The following PTPN14 variants were observed in gnomAD, a reference collection of about 807,000 sequenced individuals.
PTPN14 encodes protein tyrosine phosphatase non-receptor type 14.
In PTPN14, 53 loss-of-function variants were observed where a neutral mutation model predicts 126.8. That is an observed-to-expected ratio of 0.42 (90% confidence interval 0.34 to 0.53). The LOEUF (loss-of-function observed/expected upper bound fraction) is 0.53, where lower values mean the gene tolerates loss of function less well. Ranked by LOEUF, PTPN14 falls within the 20% of genes least tolerant of loss-of-function variation. The pLI, the probability that PTPN14 is intolerant of heterozygous loss-of-function variation, is 0.08. For synonymous variants in PTPN14, 630 were observed against 599.3 expected, an observed-to-expected ratio of 1.05 and a Z score of -0.75; for missense variants, 1,257 against 1,552.9, an observed-to-expected ratio of 0.81 and a Z score of 3.20.
chr1:214,417,055 T>C (rs1174672009), intron 3 of PTPN14, among the ~76,000 whole-genome samples: 1 of 151,602 alleles, frequency 6.6e-6, no homozygotes, highest in African/African-American at 2.4e-5. Context: ...GCCAGGAAAG[T>C]AAGCATTTGC....
chr1:214,393,036 C>T (rs1480887485), intron 10 of PTPN14, among the ~76,000 whole-genome samples: 2 of 152,170 alleles, frequency 1.3e-5, no homozygotes, highest in African/African-American at 4.8e-5. Context: ...TGAAGGTAAC[C>T]AAGAAAAAGA....
chr1:214,390,834 C>T lies in PTPN14; in HGVS notation c.987+154G>A, dbSNP rs12748350. Among the ~76,000 whole-genome samples the T allele has an allele frequency of 0.11, 17,338 of 152,132 alleles. 1,070 individuals carry two copies. The highest frequency in any genetic ancestry group is 0.18 in the Middle Eastern group (54 of 294). On this transcript the variant is annotated intron_variant, in intron 11 of 18. Transcript: ENST00000366956. ...ATGGATGGGTCCAAGGGGGACAAAA[C>T]GGGTGTCCATCGCATCTGCTTGACA...
chr1:214,443,330 T>C (rs556057584), intron 3 of PTPN14, among the ~76,000 whole-genome samples: 37 of 152,214 alleles, frequency 2.4e-4, no homozygotes, highest in African/African-American at 8.4e-4. Context: ...AGAAATCAAA[T>C]TGACTTTACA....
chr1:214,465,951 C>CTT lies in PTPN14; in HGVS notation c.-154-996_-154-995dup, dbSNP rs71165974. Among the ~76,000 whole-genome samples the CTT allele has an allele frequency of 2.0e-3, 120 of 59,012 alleles. 29 individuals carry two copies. The highest frequency in any genetic ancestry group is 0.048 in the Middle Eastern group (2 of 42). 38.7% of individuals were successfully genotyped at this position (59,012 alleles called of 152,430 possible). Reference sequence around the variant, plus strand: ...TGCATTTAATATAATCAGTTACTTCCTTTTTTTTTTTTTTTTTTTTGTGAA... The same window carrying CTT: ...TGCATTTAATATAATCAGTTACTTCCTTTTTTTTTTTTTTTTTTTTTTGTGAA... On this transcript the variant is annotated intron_variant, in intron 1 of 18. Coordinates refer to ENST00000366956, the MANE Select transcript of PTPN14 (RefSeq NM_005401.5).
At chr1:214,517,487 TAAA>T (rs59698035) in intron 1 of PTPN14, among the ~76,000 whole-genome samples, 2 of 138,388 alleles carry the variant, frequency 1.4e-5, no homozygotes, top group Non-Finnish European at 1.6e-5. Flanking sequence ...AGCATAATAT[TAAA>T]AAAAAAAAAA....
chr1:214,477,249 AGTT>A (rs1660887106), intron 1 of PTPN14, among the ~76,000 whole-genome samples: 1 of 152,248 alleles, frequency 6.6e-6, no homozygotes, highest in Non-Finnish European at 1.5e-5. Flanking sequence ...GCTGTTAAAG[AGTT>A]GTATAATCCC....
At chr1:214,359,026 G>A (rs1657890316) in intron 18 of PTPN14, among the ~76,000 whole-genome samples, 2 of 151,970 alleles carry the variant, frequency 1.3e-5, no homozygotes, top group South Asian at 4.2e-4. Flanking sequence ...TTACAGGCGT[G>A]AGCCACCCCG....
At chr1:214,445,645 T>A (rs1477457286) in intron 3 of PTPN14, among the ~76,000 whole-genome samples, 3 of 152,120 alleles carry the variant, frequency 2.0e-5, no homozygotes, top group Non-Finnish European at 4.4e-5. Flanking sequence ...CTTCAAAAAT[T>A]AAGTTTTCTT....
At chr1:214,535,474 A>C (rs1373203848) in intron 1 of PTPN14, among the ~76,000 whole-genome samples, 1 of 152,212 alleles carries the variant, frequency 6.6e-6, no homozygotes, top group East Asian at 1.9e-4. Context: ...CAAAAGCAAG[A>C]GTTAGAAGAA....
At chr1:214,408,381 C>A (rs1659218027) in intron 5 of PTPN14, among the ~76,000 whole-genome samples, 1 of 152,130 alleles carries the variant, frequency 6.6e-6, no homozygotes, top group Non-Finnish European at 1.5e-5. Flanking sequence ...TTTTTAATCC[C>A]TCCTCATTAA....
intron 15 of PTPN14, among the ~76,000 whole-genome samples, chr1:214,374,598 T>C (rs1658297841): frequency 6.6e-6 from 1 of 152,244 alleles, no homozygotes; most frequent in Admixed American, 6.5e-5. Context: ...CTGTTCTGTG[T>C]TAACGGCTGC....
rs371153744 is a variant in PTPN14 at position 214,451,791 on chromosome 1, G to A, written c.344+14C>T. The stretch of plus-strand genomic sequence containing the variant: ...AACACCCTTATATGGCACACAGGGG[G>A]AAAATGCACCTACCTTGTGGCCTCT... On this transcript the variant is annotated intron_variant, in intron 3 of 18. Transcript: ENST00000366956. 4.2e-4 allele frequency: 684 copies of A among 1,612,918 alleles called. 6 individuals are homozygous for A. The South Asian group carries it at 7.1e-3, about 17-fold the overall frequency.
Position 214,518,209 on chromosome 1 carries a change from G to A in PTPN14, c.-155+32974C>T, listed in dbSNP as rs562676921. On this transcript the variant is annotated intron_variant, in intron 1 of 18. Transcript: ENST00000366956. The stretch of plus-strand genomic sequence containing the variant: ...AGGATGAAATTATTGTTTTGGAGAA[G>A]ATGGGAAAACACATCATGTAAAAAT... 3.2e-4 allele frequency among the ~76,000 whole-genome samples: 49 copies of A among 152,260 alleles called. 1 individual carries two copies. In the South Asian group the frequency reaches 9.7e-3, roughly 30 times the overall value.
rs777114092 is a variant in PTPN14, at chr1:214,464,841, C to T, written c.-38G>A. The stretch of plus-strand genomic sequence containing the variant: ...CTCGGACGCCGCCCGCCTATCCTGG[C>T]GCACACGCCCCTGAGATGGCCTTAG... On this transcript the variant is annotated 5_prime_UTR_variant, in exon 2 of 19. Coordinates refer to ENST00000366956, the MANE Select transcript of PTPN14 (RefSeq NM_005401.5). The T allele has an allele frequency of 1.0e-5, 16 of 1,607,354 alleles. No individual in the cohort carries two copies. Among genetic ancestry groups the T allele is most frequent in the East Asian group, 8.9e-5 (4 of 44,708 alleles).
At chr1:214,453,674 T>C (rs1021270618) in intron 2 of PTPN14, among the ~76,000 whole-genome samples, 2 of 152,054 alleles carry the variant, frequency 1.3e-5, no homozygotes, top group Non-Finnish European at 2.9e-5. Context: ...CATCAGTAAA[T>C]CAAAGCAGGT....
intron 1 of PTPN14, among the ~76,000 whole-genome samples, chr1:214,490,971 AAGGAAAGGAAGGAAGGAAGG>A: frequency 1.6e-5 from 1 of 63,326 alleles, no homozygotes; most frequent in Non-Finnish European, 4.8e-5. Flanking sequence ...GAAGGAAGGG[AAGGAAAGGAAGGAAGGAAGG>A]GAAGGAAAGG....
intron 1 of PTPN14, among the ~76,000 whole-genome samples, chr1:214,544,614 G>C (rs1165770447): frequency 2.6e-5 from 4 of 152,070 alleles, no homozygotes; most frequent in Non-Finnish European, 5.9e-5. Context: ...GCCAGGTGTG[G>C]TGGCTGTATG....
intron 1 of PTPN14, among the ~76,000 whole-genome samples, chr1:214,536,113 G>C (rs1443790096): frequency 2.0e-5 from 3 of 151,068 alleles, no homozygotes; most frequent in Non-Finnish European, 4.4e-5. Context: ...AAAAAGGCCA[G>C]GTACAGTAGC....
chr1:214,372,366 G>T (rs1658238958), intron 16 of PTPN14: 2 of 306,956 alleles, frequency 6.5e-6, no homozygotes, highest in Non-Finnish European at 1.3e-5. Flanking sequence ...CCAGTGGAAA[G>T]ATCACTGTTT....
Sources: gnomAD v4.1 joint callset for allele counts (sites outside exome capture counted in the v4.1 genomes callset) on GRCh38, gnomAD v4.1.1 for gene constraint, MANE v1.5 for transcripts, NCBI Gene and HGNC (gene_info 2026-07-23, HGNC 2026-07-21) for gene names.